The following LUC7L2 variants were observed in gnomAD, a reference collection of about 807,000 sequenced individuals.
LUC7L2 encodes LUC7 like 2, pre-mRNA splicing factor, also known as putative RNA-binding protein Luc7-like 2.
Under a neutral mutation model 52.8 loss-of-function variants are expected in LUC7L2, and 25 were observed. The observed-to-expected ratio is 0.47, with a 90% confidence interval of 0.34 to 0.66. The LOEUF (loss-of-function observed/expected upper bound fraction) is 0.66, where lower values mean the gene tolerates loss of function less well. Among genes scored for constraint, LUC7L2 ranks in the 30% least tolerant of loss-of-function variants. LUC7L2 has a pLI of 0.01. For synonymous variants in LUC7L2, 144 were observed against 160.9 expected, an observed-to-expected ratio of 0.89 and a Z score of 0.80; for missense variants, 328 against 497.8, an observed-to-expected ratio of 0.66 and a Z score of 3.25.
At chr7:139,400,478 G>T (rs1267395942) in intron 3 of LUC7L2, among the ~76,000 whole-genome samples, 1 of 152,204 alleles carries the variant, frequency 6.6e-6, no homozygotes, top group African/African-American at 2.4e-5. Context: ...CTGTGCTCCA[G>T]CTTGGGGGAC....
intron 2 of LUC7L2, among the ~76,000 whole-genome samples, chr7:139,383,422 A>T (rs750284235): frequency 2.2e-4 from 28 of 129,744 alleles, no homozygotes; most frequent in Non-Finnish European, 3.8e-4. Flanking sequence ...TTATTTATTT[A>T]TTTTTTGAGA....
At chr7:139,414,563 C>T (rs1193579346) in intron 8 of LUC7L2, among the ~76,000 whole-genome samples, 3 of 152,238 alleles carry the variant, frequency 2.0e-5, no homozygotes, top group Admixed American at 1.3e-4. Flanking sequence ...CTTCTCATTA[C>T]ATTCAGTAAC....
intron 1 of LUC7L2, among the ~76,000 whole-genome samples, chr7:139,343,656 CAGG>C (rs1799111623): frequency 6.6e-6 from 1 of 152,132 alleles, no homozygotes; most frequent in Admixed American, 6.5e-5. Context: ...GGGATTAGGC[CAGG>C]AGCGGTGGCT....
chr7:139,356,726 TATGTAAATGA>T (rs1301956045), upstream of LUC7L2, among the ~76,000 whole-genome samples: 2 of 151,700 alleles, frequency 1.3e-5, no homozygotes. Flanking sequence ...ACCACAACAA[TATGTAAATGA>T]ACGAGCCTGG....
At chr7:139,368,563 A>C (rs1237219846) in intron 1 of LUC7L2, among the ~76,000 whole-genome samples, 1 of 152,034 alleles carries the variant, frequency 6.6e-6, no homozygotes, top group Non-Finnish European at 1.5e-5. Context: ...ACATGGTGAA[A>C]CCTGTCTCTA....
At chr7:139,384,315 G>C (rs4728465) in intron 2 of LUC7L2, among the ~76,000 whole-genome samples, 1 of 151,714 alleles carries the variant, frequency 6.6e-6, no homozygotes, top group African/African-American at 2.4e-5. Flanking sequence ...CTCCAGGCTG[G>C]AGTGCAGTGG....
chr7:139,349,147 G>C (rs1223813093), intron 1 of LUC7L2, among the ~76,000 whole-genome samples: 1 of 152,188 alleles, frequency 6.6e-6, no homozygotes, highest in Non-Finnish European at 1.5e-5. Context: ...GAGCAAGACT[G>C]TGTCTCGGAA....
At chr7:139,350,260 T>C (rs1025424486) in intron 1 of LUC7L2, among the ~76,000 whole-genome samples, 3 of 151,974 alleles carry the variant, frequency 2.0e-5, no homozygotes. Context: ...TAGCTGGGAC[T>C]ACAGGCGCCC....
rs1795268161 is a variant in LUC7L2, at chr7:139,409,603, G to A, written c.728G>A (p.Arg243Gln). ...AEKQEKRNQE[R>Q]LKRREERERE... Reference sequence around the variant, plus strand: ...AAGCAGGAGAAAAGAAACCAGGAACGGCTGAAACGAAGAGAAGAGAGAGAG... The same window carrying A: ...AAGCAGGAGAAAAGAAACCAGGAACAGCTGAAACGAAGAGAAGAGAGAGAG... The change falls in exon 7 of 10, where the codon CGG becomes CAG. Residue 243 changes from arginine to glutamine, a missense_variant. Arg to Gln is a conservative substitution (Grantham distance 43). Transcript: ENST00000354926. The A allele has an allele frequency of 1.2e-6, 2 of 1,611,312 alleles. No homozygotes were observed. The highest frequency in any genetic ancestry group is 1.7e-6 in the Non-Finnish European group (2 of 1,178,596).
chr7:139,359,946 T>C lies in LUC7L2; in HGVS notation c.-316T>C. The C allele has an allele frequency of 2.4e-6, 1 of 411,050 alleles. No individual in the cohort carries two copies. Among genetic ancestry groups the C allele is most frequent in the Non-Finnish European group, 4.3e-6 (1 of 232,758 alleles). The allele number at this position is 411,050 out of a possible 1,614,324, so 25.5% of individuals were successfully genotyped here. A position where few individuals can be genotyped will look rare whatever the true frequency, so the allele number is the denominator to read the frequency against. On this transcript the variant is annotated 5_prime_UTR_variant, in exon 1 of 10. Transcript: ENST00000354926. Reference sequence around the variant, plus strand: ...AGCGGCGTCAGAGCTTGAGGGGGGGTTGACGGCTTCTGGCGGGTGGCGGTG... The same window carrying C: ...AGCGGCGTCAGAGCTTGAGGGGGGGCTGACGGCTTCTGGCGGGTGGCGGTG...
At chr7:139,413,416 A>C (rs1052969782) in intron 8 of LUC7L2, among the ~76,000 whole-genome samples, 4 of 152,124 alleles carry the variant, frequency 2.6e-5, no homozygotes, top group Non-Finnish European at 5.9e-5. Flanking sequence ...AAACTTTCTG[A>C]GTTCTCAGCT....
chr7:139,418,983 T>C (rs1396620750), intron 9 of LUC7L2, among the ~76,000 whole-genome samples: 1 of 152,032 alleles, frequency 6.6e-6, no homozygotes, highest in African/African-American at 2.4e-5. Flanking sequence ...TGGTGGCACA[T>C]GCCTGTAATC....
Position 139,423,142 on chromosome 7 carries a change from GAAAC to G in LUC7L2, c.*805_*808del. On this transcript the variant is annotated 3_prime_UTR_variant, in exon 10 of 10. Coordinates refer to ENST00000354926, the MANE Select transcript of LUC7L2 (RefSeq NM_016019.5). The stretch of plus-strand genomic sequence containing the variant: ...AAAAAATAATAATAATAAAATGAAA[GAAAC>G]AATCACCACCACCATTATTAAACTG... 1 of 398,964 alleles carries G rather than the reference GAAAC, an allele frequency of 2.5e-6. No homozygotes were observed. The highest frequency in any genetic ancestry group is 4.4e-6 in the Non-Finnish European group (1 of 226,032). 24.7% of individuals were successfully genotyped at this position (398,964 alleles called of 1,614,324 possible). A position where few individuals can be genotyped will look rare whatever the true frequency, so the allele number is the denominator to read the frequency against.
At chr7:139,352,067 C>T (rs1799474818) in intron 1 of LUC7L2, among the ~76,000 whole-genome samples, 1 of 151,952 alleles carries the variant, frequency 6.6e-6, no homozygotes, top group Admixed American at 6.6e-5. Flanking sequence ...TGGTGGCATG[C>T]CCCCATAGTC....
chr7:139,352,722 G>T (rs1799493640), intron 1 of LUC7L2, among the ~76,000 whole-genome samples: 1 of 152,138 alleles, frequency 6.6e-6, no homozygotes. Context: ...AAGTGTTAGA[G>T]ATACAAATAT....
At chr7:139,375,948 C>A in intron 1 of LUC7L2, 114 bp from the exon 2 acceptor site, 2 of 1,055,266 alleles carry the variant, frequency 1.9e-6, no homozygotes, top group South Asian at 1.6e-5. Flanking sequence ...CCCTCTTGAG[C>A]TGATTTATAA....
intron 8 of LUC7L2, among the ~76,000 whole-genome samples, chr7:139,414,537 G>C (rs936927669): frequency 6.6e-6 from 1 of 152,232 alleles, no homozygotes; most frequent in Admixed American, 6.5e-5. Context: ...TTTTATCCCA[G>C]AATATGTATT....
chr7:139,394,409 C>T (rs1794576027), intron 2 of LUC7L2, among the ~76,000 whole-genome samples: 1 of 152,224 alleles, frequency 6.6e-6, no homozygotes, highest in Non-Finnish European at 1.5e-5. Flanking sequence ...AAGTCCACCT[C>T]TACTATAGTG....
At chr7:139,419,892 C>G (rs1000667472) in intron 9 of LUC7L2, among the ~76,000 whole-genome samples, 1 of 152,170 alleles carries the variant, frequency 6.6e-6, no homozygotes, top group Admixed American at 6.5e-5. Context: ...TTGTTTTATA[C>G]TAAAAATTAC....
Sources: allele counts gnomAD v4.1 joint callset (sites outside exome capture counted in the v4.1 genomes callset), GRCh38; gene constraint gnomAD v4.1.1; transcripts MANE v1.5; gene names NCBI Gene and HGNC (gene_info 2026-07-23, HGNC 2026-07-21).